The following MMS19 variants were observed in gnomAD, a reference collection of about 807,000 sequenced individuals.
MMS19 encodes MMS19 cytosolic iron-sulfur assembly component, also known as MMS19 nucleotide excision repair protein homolog.
MMS19 carries 77 observed loss-of-function variants against 129.8 expected under a neutral mutation model. The observed-to-expected ratio is 0.59, with a 90% CI of 0.49 to 0.72. The LOEUF is 0.72. Among genes scored for constraint, MMS19 ranks in the 30% least tolerant of loss-of-function variants. The probability of loss-of-function intolerance (pLI) is 0.00; values close to 1 mark genes in which losing one functional copy is unlikely to be tolerated. For synonymous variants in MMS19, 491 were observed against 502.8 expected (o/e 0.98, Z 0.31); for missense variants, 1,168 against 1,266.3 (o/e 0.92, Z 1.18).
At chr10:97,488,944 T>C (rs2038399703) in intron 1 of MMS19, among the ~76,000 whole-genome samples, 1 of 152,226 alleles carries the variant, frequency 6.6e-6, no homozygotes, top group Admixed American at 6.5e-5. Context: ...CTACTTTTAT[T>C]TATTTTTTAA....
chr10:97,478,514 A>T (rs1031557283), intron 3 of MMS19, 125 bp from the exon 4 acceptor site: 2 of 676,922 alleles, frequency 3.0e-6, no homozygotes, highest in Admixed American at 5.1e-5. Flanking sequence ...CTCTTTCACC[A>T]AGAGACATGT....
intron 23 of MMS19, 138 bp from the exon 24 acceptor site, chr10:97,461,145 G>T: frequency 1.4e-6 from 1 of 708,994 alleles, no homozygotes; most frequent in Non-Finnish European, 2.3e-6. Context: ...TGGACAAAAT[G>T]ATTGGACACC....
At position 97,477,356 on chromosome 10, in the gene MMS19, G is replaced by A. The variant is rs373557835; in HGVS notation, c.484C>T (p.Arg162Trp). ...YNIITNFMRTREEELKSLGAD... is the reference protein window; with the variant it reads ...YNIITNFMRTWEEELKSLGAD... ...AAGCTCTGTCTCTTACCTTCTTCCCGGGTTCGCATAAAATTGGTGATGATA... is the reference window on the plus strand; with the variant it reads ...AAGCTCTGTCTCTTACCTTCTTCCCAGGTTCGCATAAAATTGGTGATGATA... Residue 162 changes from arginine to tryptophan, a missense_variant, in exon 6 of 31, where the codon CGG becomes TGG. By Grantham distance (101) the Arg-to-Trp change is moderately radical. Around this residue, in one of 3 missense-constraint regions of MMS19, gnomAD observed 329 missense variants for 328.6 expected, o/e 1.00. Transcript: ENST00000438925. 29 of 1,613,766 alleles carry A rather than the reference G, an allele frequency of 1.8e-5. No individual in the cohort carries two copies. Among genetic ancestry groups the A allele is most frequent in the African/African-American group, 4.0e-5 (3 of 74,880 alleles).
chr10:97,474,842 G>A (rs959230448), intron 8 of MMS19, among the ~76,000 whole-genome samples: 1 of 152,122 alleles, frequency 6.6e-6, no homozygotes, highest in East Asian at 1.9e-4. Context: ...ATGGACAGTA[G>A]CAGTAAAGGG....
At position 97,459,244 on chromosome 10, in the gene MMS19, G is replaced by A. The variant is rs766599020; in HGVS notation, c.2943C>T (p.Leu981=). The change falls in exon 29 of 31, where the codon CTC becomes CTT. Residue 981 remains leucine, a synonymous_variant. Coordinates refer to ENST00000438925, the MANE Select transcript of MMS19 (RefSeq NM_022362.5). The part of the protein sequence containing the change: ...RIAALQCMHA[L]TRLPTPVLLP... ...TTACCACAGGGGTGGGCAGGCGAGTGAGAGCATGCATGCACTGCAGTGCGG... is the reference window on the plus strand; with the variant it reads ...TTACCACAGGGGTGGGCAGGCGAGTAAGAGCATGCATGCACTGCAGTGCGG... The A allele has an allele frequency of 1.4e-5, 22 of 1,612,590 alleles. No individual in the cohort carries two copies. The South Asian group carries it at 1.9e-4, about 14-fold the overall frequency.
intron 8 of MMS19, among the ~76,000 whole-genome samples, chr10:97,471,991 A>G (rs2034803157): frequency 1.3e-5 from 2 of 152,256 alleles, no homozygotes; most frequent in South Asian, 2.1e-4. Context: ...GGAAGAAATC[A>G]TCAATTAAAG....
rs750278850 is a variant in MMS19 at position 97,459,534 on chromosome 10, G to A, written c.2740-8C>T. ...CAGCAGCAAGGAAAGAAGCTAAGGG[G>A]CAATGGGCAAGGTAGGGGATGGCCA... is the stretch of plus-strand genomic sequence containing the variant. On this transcript the variant is annotated splice_region_variant and splice_polypyrimidine_tract_variant and intron_variant, in intron 27 of 30. Transcript: ENST00000438925. 3.1e-6 allele frequency: 5 copies of A among 1,611,422 alleles called. No homozygotes were observed. In the South Asian group the frequency reaches 5.5e-5, roughly 18 times the overall value.
rs541979098 is a variant in MMS19, at chr10:97,482,852, G to A, written c.161+1251C>T. Among the ~76,000 whole-genome samples, 3 of 151,704 alleles carry A rather than the reference G, an allele frequency of 2.0e-5. No homozygotes were observed. The East Asian group carries it at 5.9e-4, about 30-fold the overall frequency. On this transcript the variant is annotated intron_variant, in intron 2 of 30. Coordinates refer to ENST00000438925, the MANE Select transcript of MMS19 (RefSeq NM_022362.5). ...CTCAGCTCACTGCAAGCTCCGCCTC[G>A]CGGGTTCACCCCATCCTCCTACCTC...
In MMS19 at chr10:97,458,552, G is replaced by A; in HGVS notation, c.*140C>T. Reference sequence around the variant, plus strand: ...ACTCTTATGTTCTTTGTACAGCCATGCAACAGAGGCCTAGCATTTGTGCTG... The same window carrying A: ...ACTCTTATGTTCTTTGTACAGCCATACAACAGAGGCCTAGCATTTGTGCTG... On this transcript the variant is annotated 3_prime_UTR_variant, in exon 31 of 31. Coordinates refer to ENST00000438925, the MANE Select transcript of MMS19 (RefSeq NM_022362.5). The A allele has an allele frequency of 2.6e-6, 2 of 761,902 alleles. No individual in the cohort carries two copies. The highest frequency in any genetic ancestry group is 4.2e-6 in the Non-Finnish European group (2 of 475,498). 47.2% of individuals were successfully genotyped at this position (761,902 alleles called of 1,614,324 possible). A position where few individuals can be genotyped will look rare whatever the true frequency, so the allele number is the denominator to read the frequency against.
chr10:97,465,974 CAA>C lies in MMS19; in HGVS notation c.1607-22_1607-21del, dbSNP rs771148002. ...ACTCCCCTGAAAGCAACCCATGAGACAAAGGTTTACTGTGTGATAGGAAGCAC... is the reference window on the plus strand; with the variant it reads ...ACTCCCCTGAAAGCAACCCATGAGACAGGTTTACTGTGTGATAGGAAGCAC... On this transcript the variant is annotated intron_variant, in intron 17 of 30. Transcript: ENST00000438925. 2.8e-5 allele frequency: 45 copies of C among 1,613,236 alleles called. No homozygotes were observed. The East Asian group carries it at 1.0e-3, about 36-fold the overall frequency.
At chr10:97,471,726 G>A (rs1367007784) in intron 8 of MMS19, among the ~76,000 whole-genome samples, 1 of 152,102 alleles carries the variant, frequency 6.6e-6, no homozygotes, top group Admixed American at 6.6e-5. Context: ...GGCCAGGCTG[G>A]TCTGGAACTC....
chr10:97,494,370 A>T (rs555273716), intron 1 of MMS19, among the ~76,000 whole-genome samples: 43 of 152,302 alleles, frequency 2.8e-4, no homozygotes, highest in Non-Finnish European at 4.6e-4. Context: ...ATGGAGTTGA[A>T]GCCTCTTGAG....
intron 15 of MMS19, 91 bp downstream of exon 15, chr10:97,466,685 G>GTT: frequency 6.3e-7 from 1 of 1,594,158 alleles, no homozygotes; most frequent in Non-Finnish European, 8.6e-7. Context: ...CAGAGTTGCA[G>GTT]TAAGAAGAGG....
At chr10:97,498,245 G>A (rs1191440224) in intron 1 of MMS19, 28 bp downstream of exon 1, 1 of 1,530,974 alleles carries the variant, frequency 6.5e-7, no homozygotes, top group Non-Finnish European at 8.7e-7. Flanking sequence ...GCCCCCATGC[G>A]GAAGGCGCGC....
At chr10:97,486,861 CCATATATA>C (rs1172314509) in intron 1 of MMS19, among the ~76,000 whole-genome samples, 7 of 15,596 alleles carry the variant, frequency 4.5e-4, no homozygotes, top group Admixed American at 2.2e-3. Flanking sequence ...AATTAAAGTG[CCATATATA>C]TATATATATA....
intron 8 of MMS19, among the ~76,000 whole-genome samples, chr10:97,475,224 G>C (rs1034079643): frequency 6.6e-6 from 1 of 152,172 alleles, no homozygotes; most frequent in South Asian, 2.1e-4. Context: ...GTGTGTGTGT[G>C]TGTGTGTACA....
At chr10:97,496,683 A>C (rs2039856256) in intron 1 of MMS19, among the ~76,000 whole-genome samples, 1 of 152,190 alleles carries the variant, frequency 6.6e-6, no homozygotes, top group African/African-American at 2.4e-5. Flanking sequence ...AATGACACTG[A>C]TATAGTAATG....
Position 97,476,843 on chromosome 10 carries a change from T to C in MMS19, c.614A>G (p.Tyr205Cys), listed in dbSNP as rs1184258959. 4 of 1,613,900 alleles carry C rather than the reference T, an allele frequency of 2.5e-6. No individual in the cohort carries two copies. Among genetic ancestry groups the C allele is most frequent in the African/African-American group, 1.3e-5 (1 of 74,944 alleles). The part of the protein sequence containing the change: ...RIVHDLISRD[Y>C]SLGPFVEELF... ...TGGCTACCACGATATACCCAGGCTATAGTCCCTGGAGATGAGGTCATGGAC... is the reference window on the plus strand; with the variant it reads ...TGGCTACCACGATATACCCAGGCTACAGTCCCTGGAGATGAGGTCATGGAC... The change falls in exon 7 of 31, where the codon TAT (tyrosine) becomes TGT (cysteine). Residue 205 changes from tyrosine to cysteine, a missense_variant. Physicochemically the swap from Tyr to Cys is radical, Grantham distance 194. Around this residue, in one of 3 missense-constraint regions of MMS19, gnomAD observed 329 missense variants for 328.6 expected, o/e 1.00. Transcript: ENST00000438925.
upstream of MMS19, chr10:97,498,724 C>T (rs928630553): frequency 1.1e-5 from 4 of 354,390 alleles, no homozygotes; most frequent in African/African-American, 8.7e-5. Flanking sequence ...GAAAATCAGG[C>T]CCAGCCCTAG....
Sources: gnomAD v4.1 joint callset for allele counts (sites outside exome capture counted in the v4.1 genomes callset) on GRCh38, gnomAD v4.1.1 for gene constraint, gnomAD v4.1.1 regional missense constraint, MANE v1.5 for transcripts, NCBI Gene and HGNC (gene_info 2026-07-23, HGNC 2026-07-21) for gene names.